The following DTX1 variants were observed in gnomAD, a reference collection of about 807,000 sequenced individuals.
DTX1 encodes E3 ubiquitin-protein ligase DTX1.
In DTX1, 26 loss-of-function variants were observed where a neutral mutation model predicts 57.8. The ratio of observed to expected loss-of-function variants is 0.45; its 90% confidence interval spans 0.33 to 0.62. The LOEUF is 0.62. DTX1 is among the 20% of genes least tolerant of loss of function. The probability of loss-of-function intolerance (pLI) is 0.02; values close to 1 mark genes in which losing one functional copy is unlikely to be tolerated. For missense variants in DTX1, 704 were observed against 895.3 expected (o/e 0.79, Z 2.73); for synonymous variants, 398 against 394.1 (o/e 1.01, Z -0.12).
intron 3 of DTX1, among the ~76,000 whole-genome samples, chr12:113,082,742 C>T (rs548184595): frequency 7.0e-4 from 106 of 152,278 alleles, no homozygotes; most frequent in African/African-American, 2.5e-3. Context: ...ACTACAGGCA[C>T]GCACCACCAC....
At chr12:113,092,326 T>A (rs943690146) in intron 3 of DTX1, among the ~76,000 whole-genome samples, 5 of 145,588 alleles carry the variant, frequency 3.4e-5, no homozygotes, top group African/African-American at 7.6e-5. Context: ...CACAGCAGAT[T>A]AAAAAAAAAA....
Position 113,058,484 on chromosome 12 carries a change from C to T in DTX1, c.259+33C>T, listed in dbSNP as rs755660510. 5.3e-5 allele frequency: 83 copies of T among 1,567,398 alleles called. 1 individual carries two copies. In the South Asian group the frequency reaches 6.6e-4, roughly 12 times the overall value. ...GACACCCACCCCATGCCACCCGCCC[C>T]GCCGAGCCATCACTACCTTGCAGCG... On this transcript the variant is annotated intron_variant, in intron 2 of 9. Transcript: ENST00000548759.
chr12:113,066,386 G>T (rs1285157809), intron 2 of DTX1, among the ~76,000 whole-genome samples: 1 of 152,046 alleles, frequency 6.6e-6, no homozygotes, highest in Non-Finnish European at 1.5e-5. Context: ...AAAATTAGTG[G>T]GCATGGTGGT....
chr12:113,073,413 A>G (rs2044749878), intron 2 of DTX1, among the ~76,000 whole-genome samples: 1 of 152,124 alleles, frequency 6.6e-6, no homozygotes, highest in Non-Finnish European at 1.5e-5. Context: ...AAAATGATAA[A>G]TCAGGCATCA....
At chr12:113,069,389 C>T (rs1372090492) in intron 2 of DTX1, among the ~76,000 whole-genome samples, 1 of 152,104 alleles carries the variant, frequency 6.6e-6, no homozygotes, top group African/African-American at 2.4e-5. Flanking sequence ...GTAGCCTCTC[C>T]GAGTGCCACG....
chr12:113,057,681 C>CGGAG lies in DTX1; in HGVS notation c.-506_-503dup, dbSNP rs528365841. On this transcript the variant is annotated 5_prime_UTR_variant, in exon 2 of 10. Coordinates refer to ENST00000548759, the MANE Select transcript of DTX1 (RefSeq NM_004416.3). ...AGCCGTCGGAGAAGGGGGCCCAGACCGGAGGGAGGCGAGAAGCCCCACTGA... is the reference window on the plus strand; with the variant it reads ...AGCCGTCGGAGAAGGGGGCCCAGACCGGAGGGAGGGAGGCGAGAAGCCCCACTGA... The CGGAG allele has an allele frequency of 1.3e-5, 2 of 156,374 alleles. No individual in the cohort carries two copies. Among genetic ancestry groups the CGGAG allele is most frequent in the South Asian group, 3.9e-4 (2 of 5,146 alleles). 9.7% of individuals were successfully genotyped at this position (156,374 alleles called of 1,614,324 possible).
chr12:113,058,263 G>C lies in DTX1; in HGVS notation c.71G>C (p.Arg24Pro). Reference sequence around the variant, plus strand: ...GGCTTCCCACCGCAGAACGTGGCCCGGGTGGTGGTGTGGGAGTGGCTGAAT... The same window carrying C: ...GGCTTCCCACCGCAGAACGTGGCCCCGGTGGTGGTGTGGGAGTGGCTGAAT... ...GLGFPPQNVARVVVWEWLNEH... is the reference protein window; with the variant it reads ...GLGFPPQNVAPVVVWEWLNEH... Residue 24 changes from arginine (R) to proline (P), a missense_variant, in exon 2 of 10, where the codon CGG (arginine) becomes CCG (proline). Coordinates refer to ENST00000548759, the MANE Select transcript of DTX1 (RefSeq NM_004416.3). 2 of 1,613,722 alleles carry C rather than the reference G, an allele frequency of 1.2e-6. No individual in the cohort carries two copies. The highest frequency in any genetic ancestry group is 1.7e-6 in the Non-Finnish European group (2 of 1,179,988).
chr12:113,057,882 CT>C lies in DTX1; in HGVS notation c.-310del. ...CGAACAGGGGCGGCTGCCTCACTCC[CT>C]ACCTGAGCCAGCCGAGGGGGCCAAG... On this transcript the variant is annotated 5_prime_UTR_variant, in exon 2 of 10. Transcript: ENST00000548759. The C allele has an allele frequency of 2.6e-6, 1 of 379,828 alleles. No homozygotes were observed. Among genetic ancestry groups the C allele is most frequent in the African/African-American group, 2.0e-5 (1 of 49,252 alleles). The allele number at this position is 379,828 out of a possible 1,614,324, so 23.5% of individuals were successfully genotyped here.
At position 113,096,701 on chromosome 12, in the gene DTX1, C is replaced by A. The variant is rs201749394; in HGVS notation, c.1639-14C>A. On this transcript the variant is annotated splice_polypyrimidine_tract_variant and intron_variant, in intron 9 of 9. Transcript: ENST00000548759. ...TGACCTCCTCCCGGCCCCACTGTGT[C>A]CCTGTCCCCCCAGGTGCTGCGGCTG... The A allele has an allele frequency of 1.2e-6, 2 of 1,604,926 alleles. No homozygotes were observed. Among genetic ancestry groups the A allele is most frequent in the African/African-American group, 1.3e-5 (1 of 74,762 alleles).
In DTX1 at chr12:113,093,484, G is replaced by A. The variant is rs1255777780; in HGVS notation, c.1004-55G>A. 6.1e-6 allele frequency: 9 copies of A among 1,476,666 alleles called. No individual in the cohort carries two copies. The highest frequency in any genetic ancestry group is 1.4e-5 in the African/African-American group (1 of 70,540). 91.5% of individuals were successfully genotyped at this position (1,476,666 alleles called of 1,614,324 possible). On this transcript the variant is annotated intron_variant, in intron 4 of 9. Coordinates refer to ENST00000548759, the MANE Select transcript of DTX1 (RefSeq NM_004416.3). This position sits in a 1 kb window ranked among gnomAD's most constrained non-coding sequence, Gnocchi z 4.2. The stretch of plus-strand genomic sequence containing the variant: ...CCCGGGATTCCCAGGGCCAGTGGTC[G>A]GGGGTTTGGGCGGGGATGGCGCCCC...
intron 3 of DTX1, among the ~76,000 whole-genome samples, chr12:113,089,004 G>C (rs1324562296): frequency 6.6e-6 from 1 of 152,226 alleles, no homozygotes; most frequent in Non-Finnish European, 1.5e-5. Flanking sequence ...AACAGAGCAA[G>C]ATCTTGTCTA....
At chr12:113,087,179 C>T (rs770925152) in intron 3 of DTX1, among the ~76,000 whole-genome samples, 1 of 152,076 alleles carries the variant, frequency 6.6e-6, no homozygotes, top group Non-Finnish European at 1.5e-5. Context: ...GCCTCCAATA[C>T]CACTCACACC....
intron 3 of DTX1, among the ~76,000 whole-genome samples, chr12:113,089,202 C>A (rs1164203398): frequency 6.6e-6 from 1 of 151,896 alleles, no homozygotes; most frequent in Non-Finnish European, 1.5e-5. Flanking sequence ...AGCAGAGAGA[C>A]CAGGGTGGCT....
rs1475337468 is a variant in DTX1 at position 113,077,134 on chromosome 12, C to T, written c.260-290C>T. On this transcript the variant is annotated intron_variant, in intron 2 of 9. Transcript: ENST00000548759. This position sits in a 1 kb window ranked among gnomAD's most constrained non-coding sequence, Gnocchi z 7.8. Reference sequence around the variant, plus strand: ...ACGCCCAATCTACTGACCACGCGCCCCTGCCCACCTCTCGCCCCAGTGCTA... The same window carrying T: ...ACGCCCAATCTACTGACCACGCGCCTCTGCCCACCTCTCGCCCCAGTGCTA... 6.6e-6 allele frequency among the ~76,000 whole-genome samples: 1 copy of T among 152,146 alleles called. No homozygotes were observed. Among genetic ancestry groups the T allele is most frequent in the African/African-American group, 2.4e-5 (1 of 41,420 alleles).
chr12:113,078,052 G>T lies in DTX1; in HGVS notation c.888G>T (p.Arg296=). 7.3e-7 allele frequency: 1 copy of T among 1,374,450 alleles called. No individual in the cohort carries two copies. The highest frequency in any genetic ancestry group is 9.4e-7 in the Non-Finnish European group (1 of 1,062,122). The allele number at this position is 1,374,450 out of a possible 1,614,324, so 85.1% of individuals were successfully genotyped here. A position where few individuals can be genotyped will look rare whatever the true frequency, so the allele number is the denominator to read the frequency against. ...CCCCGGGGCAGAACAACCTCAACCG[G>T]CCCGGGCCCCAGCGCACCACCAGCG... The part of the protein sequence containing the change: ...ARTPGQNNLN[R]PGPQRTTSVS... The change falls in exon 3 of 10, where the codon CGG becomes CGT. Residue 296 remains arginine, a synonymous_variant. Transcript: ENST00000548759.
Position 113,093,193 on chromosome 12 carries a change from G to T in DTX1, c.973G>T (p.Gly325Cys). Reference protein sequence around the residue: ...VPALPVKNLNGTGPVHPALAG... With the variant: ...VPALPVKNLNCTGPVHPALAG... Reference sequence around the variant, plus strand: ...CGCACTCCCGGTGAAGAACTTGAATGGTACTGGGCCGGTCCATCCGGCCCT... The same window carrying T: ...CGCACTCCCGGTGAAGAACTTGAATTGTACTGGGCCGGTCCATCCGGCCCT... The change falls in exon 4 of 10, where the codon GGT becomes TGT. Residue 325 changes from glycine (G) to cysteine (C), a missense_variant. Physicochemically the swap from Gly to Cys is radical, Grantham distance 159. This residue lies in a region of DTX1 where 299 missense variants were observed against 311.2 expected (regional missense o/e 0.96). Coordinates refer to ENST00000548759, the MANE Select transcript of DTX1 (RefSeq NM_004416.3). The surrounding 1 kb of genome is among the most constrained non-coding windows in gnomAD (Gnocchi z 4.2). The T allele has an allele frequency of 6.2e-7, 1 of 1,600,388 alleles. No homozygotes were observed.
At chr12:113,070,328 C>T (rs1414882281) in intron 2 of DTX1, among the ~76,000 whole-genome samples, 6 of 152,226 alleles carry the variant, frequency 3.9e-5, no homozygotes, top group African/African-American at 7.2e-5. Context: ...TCACAGGCCT[C>T]AGCCTGTGGT....
At position 113,079,822 on chromosome 12, in the gene DTX1, G is replaced by T. The variant is rs929751557; in HGVS notation, c.941+1717G>T. 3.3e-5 allele frequency among the ~76,000 whole-genome samples: 5 copies of T among 152,040 alleles called. No individual in the cohort carries two copies. The East Asian group carries it at 9.7e-4, about 29-fold the overall frequency. On this transcript the variant is annotated intron_variant, in intron 3 of 9. Coordinates refer to ENST00000548759, the MANE Select transcript of DTX1 (RefSeq NM_004416.3). ...GATCTGCCAGCCTTGGCCTCCCAAA[G>T]TGCTGGGATTACAGGCATGAGCCAC...
At chr12:113,073,636 G>A (rs1322800716) in intron 2 of DTX1, among the ~76,000 whole-genome samples, 1 of 152,212 alleles carries the variant, frequency 6.6e-6, no homozygotes, top group Non-Finnish European at 1.5e-5. Context: ...AGGCTAGTCT[G>A]TAGCCCTTGT....
Sources: allele counts gnomAD v4.1 joint callset (sites outside exome capture counted in the v4.1 genomes callset), GRCh38; gene constraint gnomAD v4.1.1; regional missense constraint gnomAD v4.1.1; non-coding constraint Gnocchi (gnomAD v3.1); transcripts MANE v1.5; gene names NCBI Gene and HGNC (gene_info 2026-07-23, HGNC 2026-07-21).